SUPT20H: variants seen among roughly 807,000 people sequenced by gnomAD.
The protein encoded by SUPT20H is transcription factor SPT20 homolog.
A neutral mutation model predicts 122.8 loss-of-function variants in SUPT20H; 82 were observed. The ratio of observed to expected loss-of-function variants is 0.67; its 90% confidence interval spans 0.56 to 0.80. The LOEUF (loss-of-function observed/expected upper bound fraction) is 0.80. Among genes scored for constraint, SUPT20H ranks in the 30% least tolerant of loss-of-function variants. The probability of loss-of-function intolerance (pLI) is 0.00; values close to 1 mark genes in which losing one functional copy is unlikely to be tolerated. For missense variants in SUPT20H, 831 were observed against 921.6 expected (o/e 0.90, Z 1.27); for synonymous variants, 291 against 313.0 (o/e 0.93, Z 0.74).
intron 9 of SUPT20H, chr13:37,038,356 G>A (rs181751895): frequency 6.6e-6 from 1 of 152,268 alleles, no homozygotes; most frequent in Admixed American, 6.5e-5. Flanking sequence ...CTAAAATACA[G>A]TTCATAACAA....
chr13:37,011,406 T>A (rs928046527), intron 24 of SUPT20H, among the ~76,000 whole-genome samples: 13 of 152,194 alleles, frequency 8.5e-5, no homozygotes, highest in African/African-American at 3.1e-4. Flanking sequence ...TGGAACTTTA[T>A]ATGTAAGGAT....
chr13:37,048,788 T>C (rs1270215885), intron 2 of SUPT20H, among the ~76,000 whole-genome samples, 189 bp from the exon 3 acceptor site: 1 of 152,156 alleles, frequency 6.6e-6, no homozygotes, highest in Non-Finnish European at 1.5e-5. Context: ...ACCTGATTAC[T>C]AACAACAAAC....
In SUPT20H at chr13:37,028,228, C is replaced by T. The variant is rs374095346; in HGVS notation, c.1071G>A (p.Ser357=). The T allele has an allele frequency of 1.7e-5, 27 of 1,613,298 alleles. No individual in the cohort carries two copies. The highest frequency in any genetic ancestry group is 6.6e-5 in the South Asian group (6 of 91,018). ...TACCATAGTAAAGTGGATCTCCAAG[C>T]GACTGCAAGATGGTCAGCTTTGTTT... ...YQKTKLTILQ[S]LGDPLYYGKI... The change falls in exon 14 of 26, where the codon TCG becomes TCA. Residue 357 remains serine (S), a synonymous_variant. Coordinates refer to ENST00000350612, the MANE Select transcript of SUPT20H (RefSeq NM_001014286.3).
intron 10 of SUPT20H, 101 bp downstream of exon 10, chr13:37,033,348 C>A: frequency 1.4e-6 from 2 of 1,441,514 alleles, no homozygotes; most frequent in Non-Finnish European, 9.3e-7. Flanking sequence ...CCTTCCCCAC[C>A]AAAATCGGAG....
intron 1 of SUPT20H, among the ~76,000 whole-genome samples, chr13:37,053,065 TTGG>T (rs1555318972): frequency 6.6e-6 from 1 of 152,166 alleles, no homozygotes; most frequent in Non-Finnish European, 1.5e-5. Context: ...TTTTACACTG[TTGG>T]TGGTAGTGTA....
At chr13:37,043,629 T>C (rs567569481) in intron 7 of SUPT20H, among the ~76,000 whole-genome samples, 1 of 152,102 alleles carries the variant, frequency 6.6e-6, no homozygotes, top group Non-Finnish European at 1.5e-5. Context: ...GATAGCTATA[T>C]ATGTCTCATT....
At position 37,045,299 on chromosome 13, in the gene SUPT20H, T is replaced by C. The variant is rs1266215139; in HGVS notation, c.240A>G (p.Leu80=). The C allele has an allele frequency of 2.5e-6, 4 of 1,613,818 alleles. No individual in the cohort carries two copies. The highest frequency in any genetic ancestry group is 2.2e-5 in the East Asian group (1 of 44,842). ...QETLSCLVVN[L]YPGNEGYSLM... is the part of the protein sequence containing the mutation. ...GAGAATATCCCTCATTTCCTGGGTA[T>C]AGATTGACCACTAAACATGACAAAG... is the stretch of plus-strand genomic sequence containing the variant. The change falls in exon 6 of 26, where the codon CTA becomes CTG. Residue 80 remains leucine, a synonymous_variant. Coordinates refer to ENST00000350612, the MANE Select transcript of SUPT20H (RefSeq NM_001014286.3).
intron 1 of SUPT20H, among the ~76,000 whole-genome samples, chr13:37,055,264 C>T (rs890350691): frequency 1.9e-4 from 29 of 151,998 alleles, no homozygotes; most frequent in African/African-American, 7.0e-4. Context: ...TTGGAAAAAA[C>T]TACTTTAAAG....
intron 11 of SUPT20H, 53 bp from the exon 12 acceptor site, chr13:37,031,676 G>A: frequency 6.5e-7 from 1 of 1,540,028 alleles, no homozygotes; most frequent in South Asian, 1.3e-5. Flanking sequence ...TAAATATACT[G>A]AAAATGCTAA....
chr13:37,048,469 G>A, intron 3 of SUPT20H, 95 bp downstream of exon 3: 2 of 1,116,206 alleles, frequency 1.8e-6, no homozygotes, highest in South Asian at 1.7e-5. Context: ...ATAGTAATGT[G>A]CTCCTTTAAA....
In SUPT20H at chr13:37,042,356, G is replaced by A. The variant is rs150810562; in HGVS notation, c.397-1664C>T. 1.6e-3 allele frequency among the ~76,000 whole-genome samples: 238 copies of A among 152,138 alleles called. 6 individuals carry two copies. In the East Asian group the frequency reaches 0.039, roughly 25 times the overall value. On this transcript the variant is annotated intron_variant, in intron 7 of 25. Coordinates refer to ENST00000350612, the MANE Select transcript of SUPT20H (RefSeq NM_001014286.3). ...AGCTTGGTGGAATGGCCATGGTGAG[G>A]CATATAAGCAATAGACTAAGTAACA...
chr13:37,009,534 GGTT>G lies in SUPT20H; in HGVS notation c.*135_*137del. On this transcript the variant is annotated 3_prime_UTR_variant, in exon 26 of 26. Coordinates refer to ENST00000350612, the MANE Select transcript of SUPT20H (RefSeq NM_001014286.3). ...CCCTGTTTTTATTTAAAAATGATAA[GGTT>G]GTGCTTCTGTATAAAGTTTGTACAT... is the stretch of plus-strand genomic sequence containing the variant. 8.3e-6 allele frequency: 9 copies of G among 1,085,848 alleles called. No individual in the cohort carries two copies. Among genetic ancestry groups the G allele is most frequent in the East Asian group, 2.4e-5 (1 of 41,858 alleles). The allele number at this position is 1,085,848 out of a possible 1,614,324, so 67.3% of individuals were successfully genotyped here.
At chr13:37,051,451 TA>T (rs1441789172) in intron 2 of SUPT20H, 36 bp downstream of exon 2, 2 of 1,594,424 alleles carry the variant, frequency 1.3e-6, no homozygotes, top group South Asian at 1.1e-5. Flanking sequence ...GAGAACATTC[TA>T]AAACACAAAT....
chr13:37,010,662 A>G lies in SUPT20H; in HGVS notation c.2099-7T>C. 6.2e-7 allele frequency: 1 copy of G among 1,611,828 alleles called. No homozygotes were observed. Among genetic ancestry groups the G allele is most frequent in the Non-Finnish European group, 8.5e-7 (1 of 1,178,354 alleles). ...GAGCCAAGCTGAGACAACACTACAG[A>G]GAGGAGAAGGGGAAAGCAGGCCAGT... On this transcript the variant is annotated splice_polypyrimidine_tract_variant and splice_region_variant and intron_variant, in intron 24 of 25. Transcript: ENST00000350612.
intron 3 of SUPT20H, among the ~76,000 whole-genome samples, chr13:37,048,268 T>C (rs1437338243): frequency 6.6e-6 from 1 of 152,194 alleles, no homozygotes; most frequent in Non-Finnish European, 1.5e-5. Context: ...ATACCTTAGC[T>C]ATTTTTTCCT....
intron 23 of SUPT20H, among the ~76,000 whole-genome samples, chr13:37,014,686 A>C (rs2060137842): frequency 6.6e-6 from 1 of 152,192 alleles, no homozygotes; most frequent in African/African-American, 2.4e-5. Flanking sequence ...ATTTGTGGAA[A>C]GTGGCTTAAG....
chr13:37,042,691 G>A (rs747693340), intron 7 of SUPT20H, among the ~76,000 whole-genome samples: 8 of 152,156 alleles, frequency 5.3e-5, no homozygotes, highest in African/African-American at 9.7e-5. Flanking sequence ...GACAAATGCA[G>A]CCTCTGCAGA....
At chr13:37,029,445 C>T (rs112962313) in intron 13 of SUPT20H, among the ~76,000 whole-genome samples, 7,788 of 152,132 alleles carry the variant, frequency 0.051, 665 homozygotes, top group African/African-American at 0.18. Flanking sequence ...AGGAGAATTG[C>T]TTGGACCTGG....
In SUPT20H at chr13:37,054,555, G is replaced by A. The variant is rs552437893; in HGVS notation, c.-93-2972C>T. Among the ~76,000 whole-genome samples the A allele has an allele frequency of 1.1e-4, 16 of 152,212 alleles. No individual in the cohort carries two copies. The South Asian group carries it at 2.1e-3, about 20-fold the overall frequency. ...AATAGATGCAGAAAAGGCCTTTGAC[G>A]AAATTCAACAACGCTTCATGCTAAA... On this transcript the variant is annotated intron_variant, in intron 1 of 25. Coordinates refer to ENST00000350612, the MANE Select transcript of SUPT20H (RefSeq NM_001014286.3).
Sources: allele counts gnomAD v4.1 joint callset (sites outside exome capture counted in the v4.1 genomes callset), GRCh38; gene constraint gnomAD v4.1.1; transcripts MANE v1.5; gene names NCBI Gene and HGNC (gene_info 2026-07-23, HGNC 2026-07-21).